ANO3: variants seen among roughly 807,000 people sequenced by gnomAD.
ANO3 encodes anoctamin 3.
ANO3 carries 99 observed loss-of-function variants against 144.8 expected under a neutral mutation model. That is an observed-to-expected ratio of 0.68 (90% confidence interval 0.58 to 0.81). ANO3 has a LOEUF of 0.81. ANO3 is among the 30% of genes least tolerant of loss of function. The pLI, the probability that ANO3 is intolerant of heterozygous loss-of-function variation, is 0.00. For synonymous variants in ANO3, 414 were observed against 392.6 expected (o/e 1.05, Z -0.64); for missense variants, 905 against 1,202.2 (o/e 0.75, Z 3.66).
chr11:26,602,218 A>G (rs1251430507), intron 17 of ANO3, among the ~76,000 whole-genome samples: 2 of 152,204 alleles, frequency 1.3e-5, no homozygotes, highest in Admixed American at 6.5e-5. Flanking sequence ...AATAATGGGA[A>G]GTGTCTGTGA....
intron 24 of ANO3, among the ~76,000 whole-genome samples, chr11:26,649,059 TTAGGTTCGAGTTG>T (rs1853440271): frequency 6.6e-6 from 1 of 152,224 alleles, no homozygotes; most frequent in Admixed American, 6.5e-5. Flanking sequence ...GCCGGACATT[TTAGGTTCGAGTTG>T]TAACTTTGCC....
intron 1 of ANO3, among the ~76,000 whole-genome samples, chr11:26,200,528 C>G (rs1851672607): frequency 1.3e-5 from 2 of 152,056 alleles, no homozygotes; most frequent in African/African-American, 4.8e-5. Context: ...CTGGGTTAAG[C>G]TTTAGAGATT....
At chr11:26,635,224 A>G (rs1852915595) in intron 20 of ANO3, among the ~76,000 whole-genome samples, 154 bp downstream of exon 20, 1 of 152,184 alleles carries the variant, frequency 6.6e-6, no homozygotes, top group East Asian at 1.9e-4. Flanking sequence ...CATCTTTTCA[A>G]AAAAGGGGGT....
At chr11:26,564,692 TACACACACACAC>T (rs370277580) in intron 14 of ANO3, among the ~76,000 whole-genome samples, 566 of 41,026 alleles carry the variant, frequency 0.014, 14 homozygotes, top group Middle Eastern at 0.029. Flanking sequence ...CTCATATATA[TACACACACACAC>T]ACACACACAC....
At chr11:26,633,538 G>A (rs1457000478) in intron 18 of ANO3, among the ~76,000 whole-genome samples, 1 of 152,092 alleles carries the variant, frequency 6.6e-6, no homozygotes, top group African/African-American at 2.4e-5. Flanking sequence ...GACAGTTTAG[G>A]CCCTTATATT....
chr11:26,251,240 T>C (rs1369114203), intron 1 of ANO3, among the ~76,000 whole-genome samples: 6 of 152,104 alleles, frequency 3.9e-5, no homozygotes, highest in Non-Finnish European at 5.9e-5. Context: ...CTATGTATAT[T>C]CAAGAAAATG....
intron 18 of ANO3, among the ~76,000 whole-genome samples, chr11:26,629,069 T>G (rs1412582688): frequency 6.6e-6 from 1 of 152,148 alleles, no homozygotes; most frequent in Non-Finnish European, 1.5e-5. Context: ...CACTAGGGTA[T>G]GTATACTTGG....
chr11:26,200,244 G>C (rs1056668017), intron 1 of ANO3, among the ~76,000 whole-genome samples: 1 of 152,124 alleles, frequency 6.6e-6, no homozygotes, highest in African/African-American at 2.4e-5. Flanking sequence ...CATTTTATTT[G>C]CTTAAACCAA....
chr11:26,604,277 G>A (rs1035064978), intron 17 of ANO3, among the ~76,000 whole-genome samples: 2 of 152,158 alleles, frequency 1.3e-5, no homozygotes, highest in Admixed American at 1.3e-4. Context: ...GTATATGACT[G>A]TTTTGATACT....
chr11:26,377,333 T>G (rs1425488277), intron 1 of ANO3, among the ~76,000 whole-genome samples: 1 of 152,098 alleles, frequency 6.6e-6, no homozygotes. Flanking sequence ...TCAAGAAATC[T>G]GTTTGAAAAT....
At chr11:26,453,016 G>A (rs1322191273) in intron 3 of ANO3, among the ~76,000 whole-genome samples, 3 of 152,026 alleles carry the variant, frequency 2.0e-5, no homozygotes, top group African/African-American at 7.2e-5. Flanking sequence ...ATACTTTACA[G>A]ACAAGCAAAT....
intron 14 of ANO3, among the ~76,000 whole-genome samples, chr11:26,596,781 G>C (rs1022588885): frequency 4.6e-5 from 7 of 152,098 alleles, no homozygotes; most frequent in Admixed American, 6.5e-5. Flanking sequence ...GGAGAGGTAG[G>C]GGCACACACA....
intron 3 of ANO3, among the ~76,000 whole-genome samples, chr11:26,457,785 T>C (rs1467833400): frequency 3.9e-5 from 6 of 152,146 alleles, no homozygotes; most frequent in African/African-American, 1.2e-4. Context: ...TGCATTTTTA[T>C]GGATGTATGC....
intron 3 of ANO3, among the ~76,000 whole-genome samples, chr11:26,455,448 A>G (rs545616487): frequency 1.3e-5 from 2 of 152,290 alleles, no homozygotes; most frequent in South Asian, 2.1e-4. Flanking sequence ...ACAGAGCCAA[A>G]TCATGAGTGA....
intron 3 of ANO3, among the ~76,000 whole-genome samples, chr11:26,446,076 C>T (rs1056851551): frequency 1.8e-4 from 27 of 152,262 alleles, no homozygotes; most frequent in African/African-American, 6.0e-4. Flanking sequence ...AGGCAATCCA[C>T]CCACCTTGGC....
Position 26,513,480 on chromosome 11 carries a change from A to G in ANO3, c.592-3347A>G, listed in dbSNP as rs573110757. On this transcript the variant is annotated intron_variant, in intron 5 of 26. Transcript: ENST00000256737. The stretch of plus-strand genomic sequence containing the variant: ...TACGGTAAAGTAAAACAAATCGGGA[A>G]CAACCTGGTAGTAGGAGACCCAAGT... Among the ~76,000 whole-genome samples the G allele has an allele frequency of 2.6e-5, 4 of 152,274 alleles. No individual in the cohort carries two copies. The South Asian group carries it at 8.3e-4, about 32-fold the overall frequency.
At chr11:26,394,623 A>C (rs1243146647) in intron 1 of ANO3, among the ~76,000 whole-genome samples, 1 of 144,104 alleles carries the variant, frequency 6.9e-6, no homozygotes, top group Non-Finnish European at 1.5e-5. Flanking sequence ...TTTTGCCCAG[A>C]CCGGAATACA....
rs533516463 is a variant in ANO3, at chr11:26,554,956, C to T, written c.1386+1611C>T. Reference sequence around the variant, plus strand: ...CAGCATAGGGATAAAATCAATCCCTCTTACTCCATCTTTTCCAGAGTGGAG... The same window carrying T: ...CAGCATAGGGATAAAATCAATCCCTTTTACTCCATCTTTTCCAGAGTGGAG... On this transcript the variant is annotated intron_variant, in intron 13 of 26. Coordinates refer to ENST00000256737, the MANE Select transcript of ANO3 (RefSeq NM_031418.4). 1.1e-4 allele frequency among the ~76,000 whole-genome samples: 16 copies of T among 152,252 alleles called. No individual in the cohort carries two copies. In the South Asian group the frequency reaches 2.9e-3, roughly 28 times the overall value.
chr11:26,462,626 G>C (rs528355275), intron 3 of ANO3, among the ~76,000 whole-genome samples: 10 of 151,858 alleles, frequency 6.6e-5, no homozygotes, highest in Admixed American at 1.3e-4. Flanking sequence ...TAAGAAAACA[G>C]ACTCTCAAGA....
Sources: gnomAD v4.1 joint callset for allele counts (sites outside exome capture counted in the v4.1 genomes callset) on GRCh38, gnomAD v4.1.1 for gene constraint, MANE v1.5 for transcripts, NCBI Gene and HGNC (gene_info 2026-07-23, HGNC 2026-07-21) for gene names.